HHLA1: variants seen among roughly 807,000 people sequenced by gnomAD.
HHLA1 encodes the protein HERV-H LTR-associating protein 1.
A neutral mutation model predicts 69.9 loss-of-function variants in HHLA1; 72 were observed. The ratio of observed to expected loss-of-function variants is 1.03; its 90% CI spans 0.85 to 1.25. The LOEUF (loss-of-function observed/expected upper bound fraction) is 1.25. Ranked by LOEUF, HHLA1 falls within the 50% of genes most tolerant of loss-of-function variation. The probability of loss-of-function intolerance (pLI) is 0.00; values close to 1 mark genes in which losing one functional copy is unlikely to be tolerated. For synonymous variants in HHLA1, 252 were observed against 233.2 expected, an observed-to-expected ratio of 1.08 and a Z score of -0.73; for missense variants, 685 against 642.2, an observed-to-expected ratio of 1.07 and a Z score of -0.72.
intron 3 of HHLA1, chr8:132,101,301 T>G (rs770734080): frequency 6.5e-7 from 1 of 1,549,164 alleles, no homozygotes; most frequent in Non-Finnish European, 8.7e-7. Context: ...ATGAATAAAA[T>G]AGTAACCTGA....
intron 15 of HHLA1, among the ~76,000 whole-genome samples, chr8:132,068,821 G>C (rs891567536): frequency 1.3e-5 from 2 of 152,188 alleles, no homozygotes; most frequent in South Asian, 4.1e-4. Flanking sequence ...CCTGCAAGGA[G>C]TGTGCCCCAA....
intron 15 of HHLA1, chr8:132,070,431 G>A (rs751378644): frequency 9.3e-5 from 65 of 699,240 alleles, no homozygotes; most frequent in Middle Eastern, 4.6e-4. Flanking sequence ...AGCAAATCTC[G>A]CCAGGCTGAG....
At chr8:132,069,779 T>C (rs1456481911) in intron 15 of HHLA1, 1 of 152,086 alleles carries the variant, frequency 6.6e-6, no homozygotes, top group East Asian at 1.9e-4. Flanking sequence ...TCTGAGGCTA[T>C]TTCTGATTCA....
At chr8:132,078,055 G>GT in intron 11 of HHLA1, 84 bp from the exon 12 acceptor site, 5 of 1,431,156 alleles carry the variant, frequency 3.5e-6, no homozygotes, top group Non-Finnish European at 4.8e-6. Context: ...ACATTGAAAC[G>GT]TTATCAAAGG....
intron 10 of HHLA1, among the ~76,000 whole-genome samples, chr8:132,085,134 G>T (rs553375318): frequency 2.0e-5 from 3 of 152,186 alleles, no homozygotes; most frequent in Non-Finnish European, 4.4e-5. Context: ...GCATCCCTGC[G>T]TGGTCTGACA....
intron 7 of HHLA1, among the ~76,000 whole-genome samples, chr8:132,092,111 CAT>C (rs1823955934): frequency 1.3e-5 from 2 of 152,010 alleles, no homozygotes; most frequent in African/African-American, 4.8e-5. Context: ...TTTTTTAAGA[CAT>C]ATGGGTTAGT....
At chr8:132,099,656 C>T (rs187524596) in intron 4 of HHLA1, among the ~76,000 whole-genome samples, 1 of 152,074 alleles carries the variant, frequency 6.6e-6, no homozygotes, top group African/African-American at 2.4e-5. Context: ...GAGTTTGAGA[C>T]CAGCCTGGCC....
chr8:132,065,098 G>T (rs1421248095), intron 16 of HHLA1, among the ~76,000 whole-genome samples: 6 of 152,062 alleles, frequency 3.9e-5, no homozygotes, highest in Non-Finnish European at 7.4e-5. Context: ...TATGGGTTTT[G>T]GGATATTTTT....
chr8:132,087,555 G>T, intron 10 of HHLA1, 98 bp downstream of exon 10: 1 of 728,472 alleles, frequency 1.4e-6, no homozygotes, highest in Non-Finnish European at 2.3e-6. Flanking sequence ...ACAGTATAGC[G>T]AAACACAACA....
intron 12 of HHLA1, among the ~76,000 whole-genome samples, chr8:132,076,871 A>G (rs149222404): frequency 3.3e-5 from 5 of 152,150 alleles, no homozygotes; most frequent in Non-Finnish European, 7.4e-5. Flanking sequence ...GCAAAGAAAA[A>G]ATGAGTTAAA....
chr8:132,109,411 G>C (rs1182173824), intron 1 of HHLA1, among the ~76,000 whole-genome samples: 4 of 149,010 alleles, frequency 2.7e-5, no homozygotes, highest in African/African-American at 5.0e-5. Context: ...TTTCATTTTT[G>C]TGAGGACTCC....
In HHLA1 at chr8:132,079,780, G is replaced by A. The variant is rs1488721343; in HGVS notation, c.863C>T (p.Pro288Leu). 1 of 1,551,702 alleles carries A rather than the reference G, an allele frequency of 6.4e-7. No homozygotes were observed. Among genetic ancestry groups the A allele is most frequent in the Admixed American group, 2.0e-5 (1 of 51,000 alleles). ...GGCTGTGGCCCTGGCTGGAAGCTCA[G>A]GAGGCCTGCCTGTGTTCAGGGTCTC... ...TEETLNTGRP[P>L]ELPARATATW... Residue 288 changes from proline (P) to leucine (L), a missense_variant, in exon 11 of 17, where the codon CCT (proline) becomes CTT (leucine). Transcript: ENST00000414222.
intron 10 of HHLA1, among the ~76,000 whole-genome samples, chr8:132,084,503 G>C (rs1427700856): frequency 1.3e-5 from 2 of 152,122 alleles, no homozygotes; most frequent in Non-Finnish European, 2.9e-5. Flanking sequence ...CCTATTTTAC[G>C]ACAAGAATTA....
intron 14 of HHLA1, among the ~76,000 whole-genome samples, chr8:132,075,071 C>T (rs1341330524): frequency 1.3e-5 from 2 of 152,310 alleles, no homozygotes; most frequent in East Asian, 3.9e-4. Flanking sequence ...CCTCCATCTG[C>T]ACCACTGTGT....
At chr8:132,092,917 TG>T (rs955816813) in intron 7 of HHLA1, among the ~76,000 whole-genome samples, 3 of 152,206 alleles carry the variant, frequency 2.0e-5, no homozygotes, top group East Asian at 1.9e-4. Context: ...AGAAGGAGCC[TG>T]GGCCCCAAAA....
intron 10 of HHLA1, among the ~76,000 whole-genome samples, chr8:132,083,556 G>A (rs1305417135): frequency 3.3e-5 from 5 of 152,214 alleles, no homozygotes; most frequent in Admixed American, 2.0e-4. Context: ...CCTTGGGCCA[G>A]CGTTCCAAGG....
intron 10 of HHLA1, chr8:132,080,805 A>G (rs1823738939): frequency 6.6e-6 from 1 of 152,210 alleles, no homozygotes; most frequent in Non-Finnish European, 1.5e-5. Context: ...GGCTGCTTCA[A>G]GCGGGATTAG....
chr8:132,107,661 A>G (rs1824225309), intron 1 of HHLA1, among the ~76,000 whole-genome samples: 1 of 152,180 alleles, frequency 6.6e-6, no homozygotes, highest in Non-Finnish European at 1.5e-5. Context: ...TTGGAGAAAA[A>G]TGCATTTTTA....
rs576414896 is a variant in HHLA1 at position 132,089,583 on chromosome 8, C to A, written c.465G>T (p.Leu155=). The change falls in exon 8 of 17, where the codon CTG becomes CTT. Residue 155 remains leucine, a synonymous_variant. Transcript: ENST00000414222. ...TNDLSDFTAL[L]VDIIGNSTSY... is the part of the protein sequence containing the mutation. ...TGGTAGAATTGCCGATGATATCTAC[C>A]AGTAGAGCTGTAAAATCTGCAAGAC... is the stretch of plus-strand genomic sequence containing the variant. 6.7e-7 allele frequency: 1 copy of A among 1,494,430 alleles called. No homozygotes were observed. The highest frequency in any genetic ancestry group is 1.4e-5 in the African/African-American group (1 of 72,066). 92.6% of individuals were successfully genotyped at this position (1,494,430 alleles called of 1,614,324 possible). A position where few individuals can be genotyped will look rare whatever the true frequency, so the allele number is the denominator to read the frequency against.
Sources: allele counts gnomAD v4.1 joint callset (sites outside exome capture counted in the v4.1 genomes callset), GRCh38; gene constraint gnomAD v4.1.1; transcripts MANE v1.5; gene names NCBI Gene and HGNC (gene_info 2026-07-23, HGNC 2026-07-21).